Variants in ZNF710 observed in about 807,000 individuals in gnomAD.
The protein encoded by ZNF710 is zinc finger protein 710.
ZNF710 carries 13 observed loss-of-function variants against 50.6 expected under a neutral mutation model. The ratio of observed to expected loss-of-function variants is 0.26; its 90% CI spans 0.17 to 0.41. The LOEUF is 0.41. ZNF710 is among the 10% of genes least tolerant of loss of function. The pLI is 1.00. For missense variants in ZNF710, 721 were observed against 936.6 expected (o/e 0.77, Z 3.01); for synonymous variants, 383 against 397.0 (o/e 0.96, Z 0.42).
rs763829619 is a variant in ZNF710 at position 90,074,147 on chromosome 15, A to G, written c.1682A>G (p.Asn561Ser). Residue 561 changes from asparagine (N) to serine (S), a missense_variant, in exon 4 of 5, where the codon AAC becomes AGC. By Grantham distance (46) the Asn-to-Ser change is conservative. Coordinates refer to ENST00000268154, the MANE Select transcript of ZNF710 (RefSeq NM_198526.4). ...GGGAAGTCCTTCAACCGCATGTACA[A>G]CCTGCTGGGCCACATGCACCTGCAC... ...VCGKSFNRMY[N>S]LLGHMHLHAG... is the part of the protein sequence containing the mutation. 3 of 1,613,668 alleles carry G rather than the reference A, an allele frequency of 1.9e-6. No homozygotes were observed. Among genetic ancestry groups the G allele is most frequent in the Non-Finnish European group, 1.7e-6 (2 of 1,179,846 alleles).
intron 1 of ZNF710, among the ~76,000 whole-genome samples, chr15:90,061,167 CT>C (rs1490251762): frequency 1.3e-5 from 2 of 152,058 alleles, no homozygotes; most frequent in East Asian, 1.9e-4. Context: ...TATTTCTATA[CT>C]TTTTTTTGTT....
In ZNF710 at chr15:90,001,772, C is replaced by T. The variant is rs868737768; in HGVS notation, c.-29+158C>T. Among the ~76,000 whole-genome samples, 9 of 146,228 alleles carry T rather than the reference C, an allele frequency of 6.2e-5. No individual in the cohort carries two copies. The South Asian group carries it at 1.9e-3, about 31-fold the overall frequency. ...CTGGGGACGGCCGCGCGCAGGCCCG[C>T]GCCGCGCTGCAAACATGTCGTCTTT... On this transcript the variant is annotated intron_variant, in intron 1 of 4. Transcript: ENST00000268154.
intron 1 of ZNF710, among the ~76,000 whole-genome samples, chr15:90,057,001 C>A (rs922481368): frequency 4.6e-5 from 7 of 152,158 alleles, no homozygotes; most frequent in African/African-American, 1.7e-4. Flanking sequence ...TTCCCTTGGG[C>A]TCTCCTCAGA....
At chr15:90,025,085 C>T (rs962069863) in intron 1 of ZNF710, 2 of 152,170 alleles carry the variant, frequency 1.3e-5, no homozygotes, top group African/African-American at 4.8e-5. Context: ...AGAAAACAGC[C>T]ATGACAGTAA....
chr15:90,058,983 C>T (rs1272082575), intron 1 of ZNF710, among the ~76,000 whole-genome samples: 1 of 152,164 alleles, frequency 6.6e-6, no homozygotes, highest in Non-Finnish European at 1.5e-5. Context: ...AAATGTGAGT[C>T]ACATCTACAG....
intron 1 of ZNF710, among the ~76,000 whole-genome samples, chr15:90,054,724 G>A (rs1287915105): frequency 2.0e-5 from 3 of 152,206 alleles, no homozygotes; most frequent in Non-Finnish European, 2.9e-5. Context: ...AGTTTTGTCT[G>A]CTTTTCCCGT....
chr15:90,056,092 G>A (rs2151513061), intron 1 of ZNF710, among the ~76,000 whole-genome samples: 1 of 149,822 alleles, frequency 6.7e-6, no homozygotes, highest in East Asian at 2.0e-4. Flanking sequence ...TTCCAGCCTG[G>A]GCAACAGAGC....
At chr15:90,043,828 A>G (rs375824722) in intron 1 of ZNF710, among the ~76,000 whole-genome samples, 1 of 151,176 alleles carries the variant, frequency 6.6e-6, no homozygotes, top group Non-Finnish European at 1.5e-5. Flanking sequence ...TTTGCCTTTC[A>G]TTCTGAGCCC....
At chr15:90,010,012 A>T (rs1256410825) in intron 1 of ZNF710, among the ~76,000 whole-genome samples, 1 of 152,046 alleles carries the variant, frequency 6.6e-6, no homozygotes, top group South Asian at 2.1e-4. Flanking sequence ...GGTCTGGCTC[A>T]TCACTCTGGG....
In ZNF710 at chr15:90,034,428, C is replaced by CTGTGTGTGTGTGTGTGTG. The variant is rs398028304; in HGVS notation, c.-28-32652_-28-32635dup. Reference sequence around the variant, plus strand: ...AGCTGTCCTTCCTGTTTCCAAATTCCTGTGTGTGTGTGTGTGTGTGTGTGT... The same window carrying CTGTGTGTGTGTGTGTGTG: ...AGCTGTCCTTCCTGTTTCCAAATTCCTGTGTGTGTGTGTGTGTGTGTGTGTGTGTGTGTGTGTGTGTGT... On this transcript the variant is annotated intron_variant, in intron 1 of 4. Transcript: ENST00000268154. This position sits in a 1 kb window ranked among gnomAD's most constrained non-coding sequence, Gnocchi z 4.0. 1.0e-4 allele frequency among the ~76,000 whole-genome samples: 14 copies of CTGTGTGTGTGTGTGTGTG among 136,198 alleles called. No individual in the cohort carries two copies. The highest frequency in any genetic ancestry group is 2.1e-4 in the Non-Finnish European group (13 of 62,214). 89.4% of individuals were successfully genotyped at this position (136,198 alleles called of 152,430 possible).
chr15:90,039,863 A>G (rs1899245457), intron 1 of ZNF710, among the ~76,000 whole-genome samples: 1 of 152,250 alleles, frequency 6.6e-6, no homozygotes, highest in Non-Finnish European at 1.5e-5. Flanking sequence ...TGTCCCATAA[A>G]GAAAAAAGTG....
chr15:90,005,360 G>A (rs980822363), intron 1 of ZNF710, among the ~76,000 whole-genome samples: 1 of 152,350 alleles, frequency 6.6e-6, no homozygotes, highest in Admixed American at 6.5e-5. Flanking sequence ...GCTCCAGACA[G>A]GTGAGGCAGG....
intron 1 of ZNF710, among the ~76,000 whole-genome samples, chr15:90,066,301 C>T (rs1465396809): frequency 2.6e-5 from 4 of 152,062 alleles, no homozygotes; most frequent in Non-Finnish European, 5.9e-5. Context: ...AACACCTCAC[C>T]GCACAGTCCC....
intron 2 of ZNF710, among the ~76,000 whole-genome samples, chr15:90,070,872 T>C (rs1900356034): frequency 6.6e-6 from 1 of 152,122 alleles, no homozygotes; most frequent in Non-Finnish European, 1.5e-5. Flanking sequence ...TAAAACCCTA[T>C]GATGGATTGT....
intron 1 of ZNF710, among the ~76,000 whole-genome samples, chr15:90,044,824 C>A (rs1899410207): frequency 6.6e-6 from 1 of 152,140 alleles, no homozygotes; most frequent in African/African-American, 2.4e-5. Context: ...CAGTGGATAG[C>A]ACCGCAGCAA....
chr15:90,074,346 A>T, intron 4 of ZNF710, 56 bp downstream of exon 4: 1 of 1,601,902 alleles, frequency 6.2e-7, no homozygotes, highest in Non-Finnish European at 8.5e-7. Flanking sequence ...TGACGCACTC[A>T]GGAGCCTCCT....
intron 4 of ZNF710, chr15:90,075,104 T>A (rs1039626679): frequency 2.6e-5 from 4 of 154,062 alleles, no homozygotes; most frequent in African/African-American, 9.7e-5. Flanking sequence ...GCATTTCTGT[T>A]GGGTGACAGC....
intron 1 of ZNF710, among the ~76,000 whole-genome samples, chr15:90,033,922 C>T (rs1392997887): frequency 6.6e-6 from 1 of 152,188 alleles, no homozygotes; most frequent in Non-Finnish European, 1.5e-5. Flanking sequence ...ATGGGAATGG[C>T]TGGATGCGGT....
Position 90,059,236 on chromosome 15 carries a change from A to G in ZNF710, c.-28-7874A>G, listed in dbSNP as rs1899926989. ...GGAATCAGCCTGTGCAGAGGCCCCA[A>G]GGTAGGAAACATCGGTGAGTTGGGG... is the stretch of plus-strand genomic sequence containing the variant. On this transcript the variant is annotated intron_variant, in intron 1 of 4. Transcript: ENST00000268154. The surrounding 1 kb of genome is among the most constrained non-coding windows in gnomAD (Gnocchi z 4.1). Among the ~76,000 whole-genome samples, 1 of 152,200 alleles carries G rather than the reference A, an allele frequency of 6.6e-6. No homozygotes were observed. The highest frequency in any genetic ancestry group is 1.5e-5 in the Non-Finnish European group (1 of 68,026).
Sources: gnomAD v4.1 joint callset for allele counts (sites outside exome capture counted in the v4.1 genomes callset) on GRCh38, gnomAD v4.1.1 for gene constraint, Gnocchi (gnomAD v3.1) non-coding constraint, MANE v1.5 for transcripts, NCBI Gene and HGNC (gene_info 2026-07-23, HGNC 2026-07-21) for gene names.